ZBTB4: variants seen among roughly 807,000 people sequenced by gnomAD.
ZBTB4 encodes the protein zinc finger and BTB domain-containing protein 4.
A neutral mutation model predicts 59.8 loss-of-function variants in ZBTB4; 14 were observed. That is an observed-to-expected ratio of 0.23 (90% CI 0.15 to 0.37). The LOEUF (loss-of-function observed/expected upper bound fraction) is 0.37, where lower values mean the gene tolerates loss of function less well. ZBTB4 is among the 10% of genes least tolerant of loss of function. The pLI is 1.00. For synonymous variants in ZBTB4, 587 were observed against 575.2 expected (o/e 1.02, Z -0.29); for missense variants, 1,198 against 1,380.8 (o/e 0.87, Z 2.10).
chr17:7,464,381 G>C (rs1304508084), intron 3 of ZBTB4, among the ~76,000 whole-genome samples: 4 of 140,618 alleles, frequency 2.8e-5, no homozygotes, highest in Admixed American at 2.3e-4. Flanking sequence ...AGCCAAGATT[G>C]CACCACTGCA....
chr17:7,473,239 A>T (rs1056281960), intron 1 of ZBTB4, among the ~76,000 whole-genome samples: 1 of 150,898 alleles, frequency 6.6e-6, no homozygotes, highest in Non-Finnish European at 1.5e-5. Flanking sequence ...CAGCCTCCGG[A>T]GTAGCTGGGA....
chr17:7,481,335 CA>C (rs1379901371), upstream of ZBTB4: 13 of 1,091,022 alleles, frequency 1.2e-5, no homozygotes, highest in South Asian at 7.4e-5. Flanking sequence ...TCGTCGCAAA[CA>C]AAAAAAGAAA....
upstream of ZBTB4, chr17:7,483,345 C>T (rs2070372111): frequency 2.8e-6 from 1 of 358,112 alleles, no homozygotes; most frequent in Non-Finnish European, 5.2e-6. Flanking sequence ...TGGAGTGTTC[C>T]GGCAAAGACA....
At chr17:7,471,308 G>A (rs146478985) in intron 1 of ZBTB4, among the ~76,000 whole-genome samples, 11 of 152,132 alleles carry the variant, frequency 7.2e-5, no homozygotes, top group Non-Finnish European at 1.3e-4. Flanking sequence ...CTCAGCCTCC[G>A]GAGTATCTGG....
chr17:7,462,759 C>T lies in ZBTB4; in HGVS notation c.2223G>A (p.Leu741=), dbSNP rs772784075. The change falls in exon 4 of 4, where the codon CTG becomes CTA. Residue 741 remains leucine (L), a synonymous_variant. Transcript: ENST00000380599. This position sits in a 1 kb window ranked among gnomAD's most constrained non-coding sequence, Gnocchi z 7.5. ...CACCGTGGGCCTCTTGGTGCTTCCG[C>T]AGCTTTCTCAGGGTGGTGAAGGTCT... The part of the protein sequence containing the change: ...CAQTFTTLRK[L]RKHQEAHGGG... 1 of 1,602,930 alleles carries T rather than the reference C, an allele frequency of 6.2e-7. No individual in the cohort carries two copies. Among genetic ancestry groups the T allele is most frequent in the Non-Finnish European group, 8.5e-7 (1 of 1,179,838 alleles).
At chr17:7,475,593 A>C (rs1303408288) in intron 1 of ZBTB4, among the ~76,000 whole-genome samples, 1 of 151,952 alleles carries the variant, frequency 6.6e-6, no homozygotes, top group Non-Finnish European at 1.5e-5. Context: ...CTGGGATTCC[A>C]CGCCCAGCTA....
chr17:7,464,964 G>A (rs1192143208), intron 3 of ZBTB4, among the ~76,000 whole-genome samples: 1 of 150,730 alleles, frequency 6.6e-6, no homozygotes, highest in African/African-American at 2.4e-5. Flanking sequence ...AGACCATACT[G>A]GCTAACACGG....
chr17:7,466,889 AG>A lies in ZBTB4; in HGVS notation c.-9-80del, dbSNP rs2070136270. The A allele has an allele frequency of 7.0e-7, 1 of 1,438,724 alleles. No homozygotes were observed. Among genetic ancestry groups the A allele is most frequent in the African/African-American group, 1.4e-5 (1 of 69,758 alleles). The allele number at this position is 1,438,724 out of a possible 1,614,324, so 89.1% of individuals were successfully genotyped here. A position where few individuals can be genotyped will look rare whatever the true frequency, so the allele number is the denominator to read the frequency against. The stretch of plus-strand genomic sequence containing the variant: ...GGGGCTTCTAAAATCAGGCAGAGAG[AG>A]GATCAGGAGCTGCTGGTCAGAAACT... On this transcript the variant is annotated intron_variant, in intron 2 of 3. Transcript: ENST00000380599. This position sits in a 1 kb window ranked among gnomAD's most constrained non-coding sequence, Gnocchi z 9.1.
rs1169905052 is a variant in ZBTB4, at chr17:7,463,486, G to A, written c.1496C>T (p.Thr499Ile). The A allele has an allele frequency of 6.5e-7, 1 of 1,543,958 alleles. No homozygotes were observed. Among genetic ancestry groups the A allele is most frequent in the Admixed American group, 2.0e-5 (1 of 49,678 alleles). Reference sequence around the variant, plus strand: ...AACCGAGGCAGCTTGGGACCCTCCTGTGCTGGCCGTCCCACTCCCCCCTCC... The same window carrying A: ...AACCGAGGCAGCTTGGGACCCTCCTATGCTGGCCGTCCCACTCCCCCCTCC... The part of the protein sequence containing the change: ...SGGGGSGTAS[T>I]GGSQAASVIT... Residue 499 changes from threonine (T) to isoleucine (I), a missense_variant, in exon 4 of 4, where the codon ACA becomes ATA. Thr to Ile is a moderately conservative substitution (Grantham distance 89). Transcript: ENST00000380599.
At chr17:7,480,903 C>G (rs1377860009), upstream of ZBTB4, among the ~76,000 whole-genome samples, 2 of 145,176 alleles carry the variant, frequency 1.4e-5, no homozygotes, top group Admixed American at 1.4e-4. Context: ...GCCTGTAATT[C>G]CACCACTTTG....
chr17:7,482,859 T>C (rs201701863), upstream of ZBTB4: 1,053 of 1,611,884 alleles, frequency 6.5e-4, 1 homozygote, highest in Non-Finnish European at 8.5e-4. Flanking sequence ...GAGGTGGTGG[T>C]GGCCCTTATA....
At chr17:7,476,258 GAA>G (rs1219197840) in intron 1 of ZBTB4, among the ~76,000 whole-genome samples, 3 of 152,150 alleles carry the variant, frequency 2.0e-5, no homozygotes, top group African/African-American at 4.8e-5. Context: ...GACTCTAGAA[GAA>G]AGTTCAAATT....
Position 7,472,994 on chromosome 17 carries a change from G to A in ZBTB4, c.-80-5667C>T, listed in dbSNP as rs528967177. On this transcript the variant is annotated intron_variant, in intron 1 of 3. Transcript: ENST00000380599. ...GCGGGGGACAGAGTCTAGCTCTGTC[G>A]CCCAGGCTGGAGTGCAGTGGCACAA... 1.3e-4 allele frequency among the ~76,000 whole-genome samples: 20 copies of A among 151,010 alleles called. No individual in the cohort carries two copies. In the East Asian group the frequency reaches 2.7e-3, roughly 21 times the overall value.
rs2070005499 is a variant in ZBTB4 at position 7,460,554 on chromosome 17, T to G, written c.*1386A>C. On this transcript the variant is annotated 3_prime_UTR_variant, in exon 4 of 4. Transcript: ENST00000380599. ...TACTGGCTCTCCCCTTGTGAGCTATTTTTTGGGGGGAGGTGGGTGGGATGG... is the reference window on the plus strand; with the variant it reads ...TACTGGCTCTCCCCTTGTGAGCTATGTTTTGGGGGGAGGTGGGTGGGATGG... 1 of 152,328 alleles carries G rather than the reference T, an allele frequency of 6.6e-6. No individual in the cohort carries two copies. The allele number at this position is 152,328 out of a possible 1,614,324, so 9.4% of individuals were successfully genotyped here. A position where few individuals can be genotyped will look rare whatever the true frequency, so the allele number is the denominator to read the frequency against.
At chr17:7,478,050 GCA>G (rs1272968625) in intron 1 of ZBTB4, among the ~76,000 whole-genome samples, 2 of 151,974 alleles carry the variant, frequency 1.3e-5, no homozygotes, top group African/African-American at 4.8e-5. Context: ...CGCCACTTAA[GCA>G]CACAGACGGC....
Position 7,462,114 on chromosome 17 carries a change from C to G in ZBTB4, c.2868G>C (p.Lys956Asn). 6.2e-7 allele frequency: 1 copy of G among 1,612,702 alleles called. No homozygotes were observed. Among genetic ancestry groups the G allele is most frequent in the Non-Finnish European group, 8.5e-7 (1 of 1,179,240 alleles). ...GTAGGAAGGGAAGGGCCCCCGCACC[C>G]TTCTCATCAGGTAGGACCATGTTGA... ...VALNMVLPDE[K>N]GAGALPFLPG... Residue 956 changes from lysine to asparagine, a missense_variant, in exon 4 of 4, where the codon AAG (lysine) becomes AAC (asparagine). Transcript: ENST00000380599. This position sits in a 1 kb window ranked among gnomAD's most constrained non-coding sequence, Gnocchi z 7.5.
At chr17:7,474,023 T>G (rs546192938) in intron 1 of ZBTB4, among the ~76,000 whole-genome samples, 81 of 152,004 alleles carry the variant, frequency 5.3e-4, no homozygotes, top group Admixed American at 3.0e-3. Flanking sequence ...TTCAAGCAAT[T>G]TTCCTGCCTC....
At chr17:7,469,713 C>T (rs1047084595) in intron 1 of ZBTB4, among the ~76,000 whole-genome samples, 16 of 151,284 alleles carry the variant, frequency 1.1e-4, no homozygotes, top group Admixed American at 4.6e-4. Flanking sequence ...TGCAGTGAGC[C>T]GAGATCGCGC....
chr17:7,482,933 C>G (rs748867692), upstream of ZBTB4: 1 of 1,611,970 alleles, frequency 6.2e-7, no homozygotes, highest in African/African-American at 1.3e-5. Context: ...AGGGGTTGTG[C>G]TGGGCAGCAT....
Sources: allele counts gnomAD v4.1 joint callset (sites outside exome capture counted in the v4.1 genomes callset), GRCh38; gene constraint gnomAD v4.1.1; non-coding constraint Gnocchi (gnomAD v3.1); transcripts MANE v1.5; gene names NCBI Gene and HGNC (gene_info 2026-07-23, HGNC 2026-07-21).